The following MINDY2 variants were observed in gnomAD, a reference collection of about 807,000 sequenced individuals.
MINDY2 encodes the protein MINDY lysine 48 deubiquitinase 2, also known as ubiquitin carboxyl-terminal hydrolase MINDY-2.
A neutral mutation model predicts 68.2 loss-of-function variants in MINDY2; 52 were observed. That is an observed-to-expected ratio of 0.76 (90% CI 0.61 to 0.96). The LOEUF is 0.96. Ranked by LOEUF, MINDY2 falls within the 40% of genes least tolerant of loss-of-function variation. The pLI is 0.00. For missense variants in MINDY2, 881 were observed against 773.4 expected (o/e 1.14, Z -1.65); for synonymous variants, 372 against 303.0 (o/e 1.23, Z -2.36).
intron 5 of MINDY2, among the ~76,000 whole-genome samples, chr15:58,824,556 A>G (rs2031267297): frequency 6.6e-6 from 1 of 152,180 alleles, no homozygotes; most frequent in Non-Finnish European, 1.5e-5. Context: ...ATTTGAAATA[A>G]TTACTTAACT....
At chr15:58,782,172 A>G (rs1214020930) in intron 1 of MINDY2, among the ~76,000 whole-genome samples, 2 of 152,114 alleles carry the variant, frequency 1.3e-5, no homozygotes, top group East Asian at 3.8e-4. Context: ...TTTGATTCCC[A>G]TTAATACTTC....
At chr15:58,801,725 C>T (rs1002774887) in intron 2 of MINDY2, among the ~76,000 whole-genome samples, 3 of 152,112 alleles carry the variant, frequency 2.0e-5, no homozygotes, top group Admixed American at 6.6e-5. Context: ...CTGCAGCCTC[C>T]ACCTCCCAGG....
At chr15:58,784,301 G>A (rs1388597682) in intron 1 of MINDY2, among the ~76,000 whole-genome samples, 1 of 152,096 alleles carries the variant, frequency 6.6e-6, no homozygotes, top group African/African-American at 2.4e-5. Context: ...GATCCAGCCT[G>A]GAGGACAGTG....
At chr15:58,780,343 G>A (rs558806030) in intron 1 of MINDY2, among the ~76,000 whole-genome samples, 4 of 152,010 alleles carry the variant, frequency 2.6e-5, no homozygotes, top group South Asian at 2.1e-4. Context: ...GGGAGGTTGC[G>A]GTGAGCCGAG....
chr15:58,784,925 G>T (rs553572919), intron 1 of MINDY2, among the ~76,000 whole-genome samples: 1 of 151,656 alleles, frequency 6.6e-6, no homozygotes, highest in Admixed American at 6.6e-5. Flanking sequence ...GTGAGCCACC[G>T]TACCCAGCCT....
intron 3 of MINDY2, among the ~76,000 whole-genome samples, chr15:58,803,330 T>C (rs1302006791): frequency 6.6e-6 from 1 of 151,634 alleles, no homozygotes; most frequent in African/African-American, 2.4e-5. Context: ...TAGCTGGGCA[T>C]GGTGATGCGC....
chr15:58,785,480 C>T (rs1379850481), intron 1 of MINDY2, among the ~76,000 whole-genome samples: 1 of 152,128 alleles, frequency 6.6e-6, no homozygotes, highest in African/African-American at 2.4e-5. Context: ...TTCATCTCTG[C>T]ATTGTAGTGC....
At chr15:58,800,658 T>C (rs138192185) in intron 2 of MINDY2, among the ~76,000 whole-genome samples, 1 of 151,944 alleles carries the variant, frequency 6.6e-6, no homozygotes, top group Non-Finnish European at 1.5e-5. Flanking sequence ...CTGCATCCAG[T>C]TTAGCTTTTT....
intron 3 of MINDY2, among the ~76,000 whole-genome samples, chr15:58,802,598 C>T (rs1286666980): frequency 6.6e-6 from 1 of 151,860 alleles, no homozygotes; most frequent in Non-Finnish European, 1.5e-5. Context: ...CAGATTTTTC[C>T]TTTTTTTCTC....
rs1206210340 is a variant in MINDY2 at position 58,861,298 on chromosome 15, T to C, written c.*6688T>C. The C allele has an allele frequency of 1.3e-5, 2 of 152,234 alleles. No individual in the cohort carries two copies. Among genetic ancestry groups the C allele is most frequent in the Non-Finnish European group, 2.9e-5 (2 of 68,038 alleles). The allele number at this position is 152,234 out of a possible 1,614,324, so 9.4% of individuals were successfully genotyped here. On this transcript the variant is annotated 3_prime_UTR_variant, in exon 9 of 9. Transcript: ENST00000559228. ...TGCTGTGACATATCAAAGATCTCTT[T>C]GTGCCAGGCCAAGACTGGCTACTGA...
Position 58,784,471 on chromosome 15 carries a change from A to G in MINDY2, c.841-3435A>G, listed in dbSNP as rs755077307. Among the ~76,000 whole-genome samples, 30 of 152,256 alleles carry G rather than the reference A, an allele frequency of 2.0e-4. 1 individual carries two copies. The highest frequency in any genetic ancestry group is 3.4e-4 in the African/African-American group (14 of 41,550). On this transcript the variant is annotated intron_variant, in intron 1 of 8. Coordinates refer to ENST00000559228, the MANE Select transcript of MINDY2 (RefSeq NM_001040450.3). ...AATATATGTTGAGATACTTTGTTCA[A>G]ATTTTACGGAGAATATTTAAACTAC...
intron 8 of MINDY2, among the ~76,000 whole-genome samples, chr15:58,852,922 G>GTTTTTTTTTTTTTTTTTTT (rs746154698): frequency 2.0e-5 from 1 of 48,968 alleles, no homozygotes; most frequent in African/African-American, 7.5e-5. Flanking sequence ...TGCTGTTCCT[G>GTTTTTTTTTTTTTTTTTTT]TTTTTTTTTT....
In MINDY2 at chr15:58,814,389, G is replaced by T. The variant is rs377031195; in HGVS notation, c.1122+4001G>T. ...TCTTTACAGTTGAGTTTTGTTTTTG[G>T]TTTTGTTTTTTTTTTGACACAGGGT... is the stretch of plus-strand genomic sequence containing the variant. On this transcript the variant is annotated intron_variant, in intron 4 of 8. Transcript: ENST00000559228. Among the ~76,000 whole-genome samples, 279 of 149,298 alleles carry T rather than the reference G, an allele frequency of 1.9e-3. 1 individual carries two copies. Among genetic ancestry groups the T allele is most frequent in the African/African-American group, 6.7e-3 (272 of 40,614 alleles).
chr15:58,851,740 A>G (rs1207825472), intron 7 of MINDY2, 31 bp from the exon 8 acceptor site: 2 of 1,482,600 alleles, frequency 1.3e-6, no homozygotes, highest in Non-Finnish European at 1.8e-6. Context: ...AAAATCTCAT[A>G]GCTAATGATG....
chr15:58,785,410 A>G (rs1417339907), intron 1 of MINDY2, among the ~76,000 whole-genome samples: 1 of 152,144 alleles, frequency 6.6e-6, no homozygotes, highest in Non-Finnish European at 1.5e-5. Flanking sequence ...TCTGTAAAGG[A>G]TCAGATAGTA....
chr15:58,813,450 C>T (rs1302505289), intron 4 of MINDY2, among the ~76,000 whole-genome samples: 2 of 152,152 alleles, frequency 1.3e-5, no homozygotes, highest in African/African-American at 2.4e-5. Context: ...GAGCCAAGAT[C>T]GTGCCACTTC....
intron 5 of MINDY2, among the ~76,000 whole-genome samples, chr15:58,831,041 G>GTATATATATATATA (rs61211927): frequency 2.7e-4 from 34 of 124,892 alleles, no homozygotes; most frequent in Admixed American, 3.3e-4. Context: ...GTGTGTGTGT[G>GTATATATATATATA]TATATATATA....
intron 2 of MINDY2, among the ~76,000 whole-genome samples, chr15:58,801,572 A>G (rs1902664084): frequency 6.6e-6 from 1 of 152,178 alleles, no homozygotes; most frequent in African/African-American, 2.4e-5. Flanking sequence ...CCAAAAGGTT[A>G]TACATATATT....
rs142467456 is a variant in MINDY2, at chr15:58,787,079, G to A, written c.841-827G>A. Among the ~76,000 whole-genome samples the A allele has an allele frequency of 2.6e-3, 392 of 149,964 alleles. 1 individual carries two copies. Among genetic ancestry groups the A allele is most frequent in the African/African-American group, 9.2e-3 (376 of 40,714 alleles). On this transcript the variant is annotated intron_variant, in intron 1 of 8. Transcript: ENST00000559228. ...TCCCAACCTCACGTGATCCGCCTGCGTTGGCCTTCCAAAGTGCTGGGATTA... is the reference window on the plus strand; with the variant it reads ...TCCCAACCTCACGTGATCCGCCTGCATTGGCCTTCCAAAGTGCTGGGATTA...
Sources: allele counts gnomAD v4.1 joint callset (sites outside exome capture counted in the v4.1 genomes callset), GRCh38; gene constraint gnomAD v4.1.1; transcripts MANE v1.5; gene names NCBI Gene and HGNC (gene_info 2026-07-23, HGNC 2026-07-21).